MAP3K4: variants seen among roughly 807,000 people sequenced by gnomAD.
MAP3K4 encodes the protein mitogen-activated protein kinase kinase kinase 4.
In MAP3K4, 67 loss-of-function variants were observed where a neutral mutation model predicts 185.6. The observed-to-expected ratio is 0.36, with a 90% confidence interval of 0.30 to 0.44. The LOEUF (loss-of-function observed/expected upper bound fraction) is 0.44, where lower values mean the gene tolerates loss of function less well. Among genes scored for constraint, MAP3K4 ranks in the 20% least tolerant of loss-of-function variants. The pLI is 1.00. For missense variants in MAP3K4, 1,551 were observed against 1,995.1 expected (o/e 0.78, Z 4.24); for synonymous variants, 702 against 710.4 (o/e 0.99, Z 0.19).
In MAP3K4 at chr6:161,091,448, G is replaced by C; in HGVS notation, c.3043G>C (p.Glu1015Gln). 1.1e-5 allele frequency: 18 copies of C among 1,614,070 alleles called. No individual in the cohort carries two copies. Among genetic ancestry groups the C allele is most frequent in the Non-Finnish European group, 1.5e-5 (18 of 1,179,972 alleles). ...CCGCGTGGACCACATGTTCACATCA[G>C]AATTTGATGCTGAGGTTGATGAATC... ...IDRVDHMFTSEFDAEVDESES... is the reference protein window; with the variant it reads ...IDRVDHMFTSQFDAEVDESES... Residue 1015 changes from glutamate (E) to glutamine (Q), a missense_variant, in exon 12 of 27, where the codon GAA becomes CAA. Glu to Gln is a conservative substitution (Grantham distance 29). This residue lies in a region of MAP3K4 where 261 missense variants were observed against 306.5 expected (regional missense o/e 0.85). Coordinates refer to ENST00000392142, the MANE Select transcript of MAP3K4 (RefSeq NM_005922.4). This position sits in a 1 kb window ranked among gnomAD's most constrained non-coding sequence, Gnocchi z 5.5.
intron 6 of MAP3K4, among the ~76,000 whole-genome samples, chr6:161,083,560 T>C (rs1379580299): frequency 6.6e-6 from 1 of 152,228 alleles, no homozygotes; most frequent in Non-Finnish European, 1.5e-5. Flanking sequence ...GCCGCAGGAC[T>C]TTCCCCTGTC....
rs779417626 is a variant in MAP3K4, at chr6:161,070,714, A to G, written c.1814A>G (p.Lys605Arg). The change falls in exon 4 of 27, where the codon AAG becomes AGG. Residue 605 changes from lysine to arginine, a missense_variant. Around this residue, in one of 16 missense-constraint regions of MAP3K4, gnomAD observed 86 missense variants for 81.6 expected, o/e 1.05. Transcript: ENST00000392142. This position sits in a 1 kb window ranked among gnomAD's most constrained non-coding sequence, Gnocchi z 4.5. The part of the protein sequence containing the change: ...KCSAVSWEEL[K>R]AMDLPSFEPA... Reference sequence around the variant, plus strand: ...AGTGCTGTGTCGTGGGAGGAGCTGAAGGCCATGGATTTACCTTCATTCGAA... The same window carrying G: ...AGTGCTGTGTCGTGGGAGGAGCTGAGGGCCATGGATTTACCTTCATTCGAA... 9 of 1,614,132 alleles carry G rather than the reference A, an allele frequency of 5.6e-6. No homozygotes were observed. In the East Asian group the frequency reaches 2.0e-4, roughly 36 times the overall value.
At chr6:161,019,688 C>T (rs1038838973) in intron 1 of MAP3K4, among the ~76,000 whole-genome samples, 6 of 152,308 alleles carry the variant, frequency 3.9e-5, no homozygotes, top group East Asian at 1.9e-4. Flanking sequence ...GGATTACAGG[C>T]GTGAGCTGTG....
chr6:161,035,925 A>T (rs1783144500), intron 2 of MAP3K4, among the ~76,000 whole-genome samples: 2 of 152,206 alleles, frequency 1.3e-5, no homozygotes, highest in Admixed American at 1.3e-4. Context: ...CTTCAGAGCA[A>T]ATCTTTTTAA....
rs1222631060 is a variant in MAP3K4 at position 161,043,906 on chromosome 6, A to G, written c.344-4710A>G. On this transcript the variant is annotated intron_variant, in intron 2 of 26. Transcript: ENST00000392142. The surrounding 1 kb of genome is among the most constrained non-coding windows in gnomAD (Gnocchi z 4.3). ...GGTTTCTAAAATTTGGACAATATGTATATGGGAGAACATAAAAATTGCAAG... is the reference window on the plus strand; with the variant it reads ...GGTTTCTAAAATTTGGACAATATGTGTATGGGAGAACATAAAAATTGCAAG... 6.6e-6 allele frequency among the ~76,000 whole-genome samples: 1 copy of G among 152,228 alleles called. No homozygotes were observed. Among genetic ancestry groups the G allele is most frequent in the Admixed American group, 6.5e-5 (1 of 15,278 alleles).
rs1296378585 is a variant in MAP3K4, at chr6:161,086,764, A to G, written c.2556+97A>G. The G allele has an allele frequency of 8.6e-6, 8 of 932,244 alleles. No homozygotes were observed. The East Asian group carries it at 1.8e-4, about 21-fold the overall frequency. 57.7% of individuals were successfully genotyped at this position (932,244 alleles called of 1,614,324 possible). On this transcript the variant is annotated intron_variant, in intron 9 of 26. Transcript: ENST00000392142. This position sits in a 1 kb window ranked among gnomAD's most constrained non-coding sequence, Gnocchi z 4.8. ...CTTGAAGGTCCAGATAGTAAATATT[A>G]CAGGCTCTGAAGGCTGTACCACAAC...
chr6:161,109,731 A>C lies in MAP3K4; in HGVS notation c.4237-24A>C, dbSNP rs374919436. On this transcript the variant is annotated intron_variant, in intron 22 of 26. Coordinates refer to ENST00000392142, the MANE Select transcript of MAP3K4 (RefSeq NM_005922.4). The surrounding 1 kb of genome is among the most constrained non-coding windows in gnomAD (Gnocchi z 5.7). ...CATCTAAGGAAAACCGTAAACACAGAGCTGCCCTTTATTCCTCCCACAGGA... is the reference window on the plus strand; with the variant it reads ...CATCTAAGGAAAACCGTAAACACAGCGCTGCCCTTTATTCCTCCCACAGGA... 3.1e-6 allele frequency: 5 copies of C among 1,613,810 alleles called. No individual in the cohort carries two copies. Among genetic ancestry groups the C allele is most frequent in the Admixed American group, 3.3e-5 (2 of 60,004 alleles).
At chr6:161,002,812 C>T (rs1017636725) in intron 1 of MAP3K4, among the ~76,000 whole-genome samples, 8 of 151,922 alleles carry the variant, frequency 5.3e-5, no homozygotes, top group Non-Finnish European at 8.8e-5. Flanking sequence ...ATGATGGTCT[C>T]GATCTTCTGA....
Position 161,049,505 on chromosome 6 carries a change from C to T in MAP3K4, c.1233C>T (p.Gly411=). The T allele has an allele frequency of 3.7e-6, 6 of 1,614,114 alleles. No individual in the cohort carries two copies. Among genetic ancestry groups the T allele is most frequent in the Non-Finnish European group, 5.1e-6 (6 of 1,179,996 alleles). Residue 411 remains glycine, a synonymous_variant, in exon 3 of 27, where the codon GGC becomes GGT. Transcript: ENST00000392142. This position sits in a 1 kb window ranked among gnomAD's most constrained non-coding sequence, Gnocchi z 8.4. ...KDLNQKLRIM[G]TVLGIKNLSD... ...TAAATCAGAAATTAAGGATTATGGG[C>T]ACTGTTTTGGGCATCAAGAATTTAT...
intron 19 of MAP3K4, among the ~76,000 whole-genome samples, chr6:161,105,388 AG>A (rs1350413813): frequency 1.3e-5 from 2 of 152,216 alleles, no homozygotes; most frequent in Non-Finnish European, 2.9e-5. Flanking sequence ...TCTGTGAGAT[AG>A]GTATTTTTAT....
chr6:161,037,440 C>A lies in MAP3K4; in HGVS notation c.343+2991C>A, dbSNP rs907150986. Among the ~76,000 whole-genome samples, 1 of 151,832 alleles carries A rather than the reference C, an allele frequency of 6.6e-6. No individual in the cohort carries two copies. Among genetic ancestry groups the A allele is most frequent in the African/African-American group, 2.4e-5 (1 of 41,346 alleles). On this transcript the variant is annotated intron_variant, in intron 2 of 26. Coordinates refer to ENST00000392142, the MANE Select transcript of MAP3K4 (RefSeq NM_005922.4). The surrounding 1 kb of genome is among the most constrained non-coding windows in gnomAD (Gnocchi z 4.2). ...AGGATTTCTTTTATTTTTTCTGAGA[C>A]GGAGTTTCACTCTTGTTGCCCAGGC...
chr6:161,103,915 G>A lies in MAP3K4; in HGVS notation c.3856+1136G>A, dbSNP rs1277196776. Among the ~76,000 whole-genome samples, 4 of 152,190 alleles carry A rather than the reference G, an allele frequency of 2.6e-5. No homozygotes were observed. The highest frequency in any genetic ancestry group is 9.7e-5 in the African/African-American group (4 of 41,430). ...AAGCCTGGTGACAGAGTAGGTGTGT[G>A]TTGAGGGTTCAAGTGGGGGAGTTTT... is the stretch of plus-strand genomic sequence containing the variant. On this transcript the variant is annotated intron_variant, in intron 19 of 26. Coordinates refer to ENST00000392142, the MANE Select transcript of MAP3K4 (RefSeq NM_005922.4). The surrounding 1 kb of genome is among the most constrained non-coding windows in gnomAD (Gnocchi z 4.6).
chr6:161,047,619 G>T (rs180770296), intron 2 of MAP3K4, among the ~76,000 whole-genome samples: 1 of 152,230 alleles, frequency 6.6e-6, no homozygotes, highest in East Asian at 1.9e-4. Flanking sequence ...AAATGAATGA[G>T]ATCACCCAGG....
At position 161,034,031 on chromosome 6, in the gene MAP3K4, G is replaced by GTACT. The variant is rs142549363; in HGVS notation, c.153-227_153-224dup. Among the ~76,000 whole-genome samples, 1,187 of 152,222 alleles carry GTACT rather than the reference G, an allele frequency of 7.8e-3. 6 individuals are homozygous for GTACT. The highest frequency in any genetic ancestry group is 0.011 in the Non-Finnish European group (724 of 68,014). On this transcript the variant is annotated intron_variant, in intron 1 of 26. Coordinates refer to ENST00000392142, the MANE Select transcript of MAP3K4 (RefSeq NM_005922.4). This position sits in a 1 kb window ranked among gnomAD's most constrained non-coding sequence, Gnocchi z 4.4. The stretch of plus-strand genomic sequence containing the variant: ...AAAGCATAACAGCTCTACCCATGTG[G>GTACT]TACTCCTTGTTCATGGTAGGAGAAG...
At position 161,100,104 on chromosome 6, in the gene MAP3K4, G is replaced by T. The variant is rs556944254; in HGVS notation, c.3674+1677G>T. 1.3e-5 allele frequency among the ~76,000 whole-genome samples: 2 copies of T among 152,344 alleles called. No individual in the cohort carries two copies. Among genetic ancestry groups the T allele is most frequent in the Admixed American group, 1.3e-4 (2 of 15,300 alleles). On this transcript the variant is annotated intron_variant, in intron 17 of 26. Transcript: ENST00000392142. This position sits in a 1 kb window ranked among gnomAD's most constrained non-coding sequence, Gnocchi z 5.8. ...GAGAAGAGCACAGCCACGTGAAGAG[G>T]TGTGGGGTGGTTACCAGACTCCCTC...
At position 161,110,701 on chromosome 6, in the gene MAP3K4, C is replaced by T. The variant is rs1440253683; in HGVS notation, c.4396+787C>T. Among the ~76,000 whole-genome samples the T allele has an allele frequency of 6.6e-6, 1 of 152,180 alleles. No individual in the cohort carries two copies. The highest frequency in any genetic ancestry group is 1.5e-5 in the Non-Finnish European group (1 of 68,038). On this transcript the variant is annotated intron_variant, in intron 23 of 26. Coordinates refer to ENST00000392142, the MANE Select transcript of MAP3K4 (RefSeq NM_005922.4). This position sits in a 1 kb window ranked among gnomAD's most constrained non-coding sequence, Gnocchi z 4.8. Reference sequence around the variant, plus strand: ...GGAGGTTATTTTGGATTACACCAGTCTGCTTTGGTCTGGGTGTAAGCATTG... The same window carrying T: ...GGAGGTTATTTTGGATTACACCAGTTTGCTTTGGTCTGGGTGTAAGCATTG...
rs111534154 is a variant in MAP3K4 at position 161,091,620 on chromosome 6, A to G, written c.3135+80A>G. ...ACAGAAAGTTTTTGGAACCTTTTAC[A>G]GTAAATCTGATATTGTAATCATAGC... is the stretch of plus-strand genomic sequence containing the variant. On this transcript the variant is annotated intron_variant, in intron 12 of 26. Coordinates refer to ENST00000392142, the MANE Select transcript of MAP3K4 (RefSeq NM_005922.4). The surrounding 1 kb of genome is among the most constrained non-coding windows in gnomAD (Gnocchi z 5.5). 8.3e-7 allele frequency: 1 copy of G among 1,208,104 alleles called. No individual in the cohort carries two copies. The highest frequency in any genetic ancestry group is 1.2e-6 in the Non-Finnish European group (1 of 843,140). 74.8% of individuals were successfully genotyped at this position (1,208,104 alleles called of 1,614,324 possible). A position where few individuals can be genotyped will look rare whatever the true frequency, so the allele number is the denominator to read the frequency against.
In MAP3K4 at chr6:161,108,503, G is replaced by T. The variant is rs116179357; in HGVS notation, c.4120-240G>T. 6.6e-6 allele frequency among the ~76,000 whole-genome samples: 1 copy of T among 152,136 alleles called. No homozygotes were observed. Among genetic ancestry groups the T allele is most frequent in the African/African-American group, 2.4e-5 (1 of 41,480 alleles). ...GGAGCCGCGTCCTCCTCCACATGGCGCTCCTCACTCCCTCTCGGAGCAGGG... is the reference window on the plus strand; with the variant it reads ...GGAGCCGCGTCCTCCTCCACATGGCTCTCCTCACTCCCTCTCGGAGCAGGG... On this transcript the variant is annotated intron_variant, in intron 21 of 26. Coordinates refer to ENST00000392142, the MANE Select transcript of MAP3K4 (RefSeq NM_005922.4). The surrounding 1 kb of genome is among the most constrained non-coding windows in gnomAD (Gnocchi z 5.7).
rs994901416 is a variant in MAP3K4 at position 161,084,983 on chromosome 6, A to G, written c.2372+366A>G. On this transcript the variant is annotated intron_variant, in intron 7 of 26. Transcript: ENST00000392142. The surrounding 1 kb of genome is among the most constrained non-coding windows in gnomAD (Gnocchi z 4.6). ...AAGATGGTGAAACCTCGTCTCTACT[A>G]AAAATACAAAAAAAACAGCTGGGCG... 2.6e-5 allele frequency among the ~76,000 whole-genome samples: 4 copies of G among 151,874 alleles called. No homozygotes were observed. Among genetic ancestry groups the G allele is most frequent in the Non-Finnish European group, 5.9e-5 (4 of 68,016 alleles).
Sources: gnomAD v4.1 joint callset for allele counts (sites outside exome capture counted in the v4.1 genomes callset) on GRCh38, gnomAD v4.1.1 for gene constraint, gnomAD v4.1.1 regional missense constraint, Gnocchi (gnomAD v3.1) non-coding constraint, MANE v1.5 for transcripts, NCBI Gene and HGNC (gene_info 2026-07-23, HGNC 2026-07-21) for gene names.